Variants in RYR3 observed in about 807,000 individuals in gnomAD.
RYR3 encodes ryanodine receptor 3.
Under a neutral mutation model 584.3 loss-of-function variants are expected in RYR3, and 207 were observed. The observed-to-expected ratio is 0.35, with a 90% CI of 0.32 to 0.40. The LOEUF (loss-of-function observed/expected upper bound fraction) is 0.40, where lower values mean the gene tolerates loss of function less well. Ranked by LOEUF, RYR3 falls within the 10% of genes least tolerant of loss-of-function variation. RYR3 has a pLI of 1.00. For missense variants in RYR3, 5,616 were observed against 6,089.2 expected, an observed-to-expected ratio of 0.92 and a Z score of 2.59; for synonymous variants, 2,416 against 2,248.5, an observed-to-expected ratio of 1.07 and a Z score of -2.11.
intron 38 of RYR3, among the ~76,000 whole-genome samples, chr15:33,695,537 C>T (rs1187224515): frequency 6.6e-6 from 1 of 152,086 alleles, no homozygotes; most frequent in East Asian, 1.9e-4. Flanking sequence ...TCAGCTGACT[C>T]TTGCCAAAGA....
At chr15:33,730,550 CATGT>C (rs1567044262) in intron 47 of RYR3, among the ~76,000 whole-genome samples, 1 of 152,100 alleles carries the variant, frequency 6.6e-6, no homozygotes, top group African/African-American at 2.4e-5. Flanking sequence ...AACAATGAGA[CATGT>C]ATATAGTTCA....
In RYR3 at chr15:33,412,226, G is replaced by A. The variant is rs377239347; in HGVS notation, c.52-61193G>A. Among the ~76,000 whole-genome samples, 91 of 152,294 alleles carry A rather than the reference G, an allele frequency of 6.0e-4. No homozygotes were observed. Among genetic ancestry groups the A allele is most frequent in the Non-Finnish European group, 1.1e-3 (75 of 68,030 alleles). On this transcript the variant is annotated intron_variant, in intron 1 of 103. Coordinates refer to ENST00000634891, the MANE Select transcript of RYR3 (RefSeq NM_001036.6). The surrounding 1 kb of genome is among the most constrained non-coding windows in gnomAD (Gnocchi z 4.3). ...TGTGGATTCAGTAATTTCTGGTGAA[G>A]CCATGCAGCTTTTCAATTTAGTAAC...
intron 1 of RYR3, among the ~76,000 whole-genome samples, chr15:33,421,056 T>C (rs2044208359): frequency 6.6e-6 from 1 of 152,110 alleles, no homozygotes; most frequent in African/African-American, 2.4e-5. Flanking sequence ...AAAAGGTCAA[T>C]TTGGGGAGCC....
chr15:33,827,370 C>T, intron 85 of RYR3, 83 bp downstream of exon 85: 2 of 1,268,482 alleles, frequency 1.6e-6, no homozygotes, highest in South Asian at 2.6e-5. Flanking sequence ...CAGGGACAGC[C>T]CAGGATACAG....
intron 78 of RYR3, 70 bp downstream of exon 78, chr15:33,820,882 T>A (rs972921251): frequency 4.1e-5 from 50 of 1,223,540 alleles, no homozygotes; most frequent in Non-Finnish European, 5.4e-5. Flanking sequence ...CAGAGGTGGG[T>A]GCTGACATTA....
intron 12 of RYR3, among the ~76,000 whole-genome samples, chr15:33,578,158 A>G (rs1458564705): frequency 1.3e-5 from 2 of 152,170 alleles, no homozygotes; most frequent in Non-Finnish European, 2.9e-5. Context: ...AACTATCGGT[A>G]GGAATGTAAA....
In RYR3 at chr15:33,837,901, T is replaced by G. The variant is rs1341719915; in HGVS notation, c.11921T>G (p.Phe3974Cys). 6.2e-7 allele frequency: 1 copy of G among 1,614,004 alleles called. No homozygotes were observed. The highest frequency in any genetic ancestry group is 8.5e-7 in the Non-Finnish European group (1 of 1,179,890). The change falls in exon 89 of 104, where the codon TTT becomes TGT. Residue 3974 changes from phenylalanine to cysteine, a missense_variant. Coordinates refer to ENST00000634891, the MANE Select transcript of RYR3 (RefSeq NM_001036.6). The stretch of plus-strand genomic sequence containing the variant: ...GCAGAAGCTGATGAGAATGACATGT[T>G]TAATTACGTTGATTTTGTAGACCGG... Reference protein sequence around the residue: ...SCAEADENDMFNYVDFVDRFH... With the variant: ...SCAEADENDMCNYVDFVDRFH...
At position 33,562,905 on chromosome 15, in the gene RYR3, G is replaced by A. The variant is rs186826524; in HGVS notation, c.1041G>A (p.Lys347=). The stretch of plus-strand genomic sequence containing the variant: ...AAGGCATGGGAGTTCCAGAAATCAA[G>A]TATGGAGATTCTGTCTGCTTTGTGC... ...DIEGMGVPEI[K]YGDSVCFVQH... Residue 347 remains lysine (K), a synonymous_variant, in exon 11 of 104, where the codon AAG becomes AAA. Coordinates refer to ENST00000634891, the MANE Select transcript of RYR3 (RefSeq NM_001036.6). The A allele has an allele frequency of 1.1e-5, 18 of 1,613,556 alleles. No homozygotes were observed. The Admixed American group carries it at 2.7e-4, about 24-fold the overall frequency.
chr15:33,742,579 A>G, intron 52 of RYR3, 135 bp downstream of exon 52: 1 of 647,094 alleles, frequency 1.5e-6, no homozygotes, highest in Non-Finnish European at 2.7e-6. Context: ...ATTATTTCTG[A>G]GCAGCAATTT....
At chr15:33,315,587 C>T (rs931237837) in intron 1 of RYR3, among the ~76,000 whole-genome samples, 1 of 152,218 alleles carries the variant, frequency 6.6e-6, no homozygotes, top group Non-Finnish European at 1.5e-5. Flanking sequence ...CAGGGCTTCC[C>T]ATCTTCTCAG....
chr15:33,447,042 G>T (rs536400532), intron 1 of RYR3, among the ~76,000 whole-genome samples: 39 of 152,314 alleles, frequency 2.6e-4, no homozygotes, highest in East Asian at 1.5e-3. Flanking sequence ...TGCATCTGCA[G>T]CCCTGATTAG....
chr15:33,543,830 A>ATGT, intron 8 of RYR3, 115 bp downstream of exon 8: 1 of 761,476 alleles, frequency 1.3e-6, no homozygotes, highest in Non-Finnish European at 2.3e-6. Context: ...GTCCATTGAC[A>ATGT]AACCTTCCTC....
Position 33,646,545 on chromosome 15 carries a change from G to A in RYR3, c.3941+19G>A. The A allele has an allele frequency of 6.3e-7, 1 of 1,590,658 alleles. No homozygotes were observed. Among genetic ancestry groups the A allele is most frequent in the Non-Finnish European group, 8.6e-7 (1 of 1,165,090 alleles). On this transcript the variant is annotated intron_variant, in intron 29 of 103. Transcript: ENST00000634891. ...AGAAAAGGTGAGGGTGAGGCCTCCAGTTCTCAGAGGCACTCATTGTATCTC... is the reference window on the plus strand; with the variant it reads ...AGAAAAGGTGAGGGTGAGGCCTCCAATTCTCAGAGGCACTCATTGTATCTC...
At chr15:33,485,371 T>G (rs1363844628) in intron 2 of RYR3, among the ~76,000 whole-genome samples, 1 of 152,100 alleles carries the variant, frequency 6.6e-6, no homozygotes, top group Non-Finnish European at 1.5e-5. Flanking sequence ...ATGGAAGGAT[T>G]TTTGAAATAG....
At chr15:33,753,939 G>A (rs1273161943) in intron 57 of RYR3, among the ~76,000 whole-genome samples, 5 of 152,282 alleles carry the variant, frequency 3.3e-5, no homozygotes, top group Middle Eastern at 6.8e-3. Context: ...AGATACAGGA[G>A]TTCAAGACCA....
chr15:33,673,901 A>G (rs1366966116), intron 38 of RYR3, among the ~76,000 whole-genome samples: 1 of 152,230 alleles, frequency 6.6e-6, no homozygotes, highest in East Asian at 1.9e-4. Flanking sequence ...ATAGGTGAGC[A>G]TGGCTGAGTC....
intron 1 of RYR3, among the ~76,000 whole-genome samples, chr15:33,362,344 A>G (rs1318668260): frequency 6.6e-6 from 1 of 152,126 alleles, no homozygotes; most frequent in African/African-American, 2.4e-5. Context: ...TAATGTGTGT[A>G]AAGCGTGTAG....
At chr15:33,359,137 A>G (rs917844205) in intron 1 of RYR3, among the ~76,000 whole-genome samples, 10 of 152,186 alleles carry the variant, frequency 6.6e-5, no homozygotes, top group African/African-American at 2.4e-4. Context: ...TAGTCTCATA[A>G]CTATTGCTTC....
At chr15:33,710,207 G>T (rs865969896) in intron 43 of RYR3, among the ~76,000 whole-genome samples, 1 of 152,130 alleles carries the variant, frequency 6.6e-6, no homozygotes, top group Non-Finnish European at 1.5e-5. Context: ...GCATGGTGCT[G>T]GTATCTACTA....
Sources: allele counts gnomAD v4.1 joint callset (sites outside exome capture counted in the v4.1 genomes callset), GRCh38; gene constraint gnomAD v4.1.1; non-coding constraint Gnocchi (gnomAD v3.1); transcripts MANE v1.5; gene names NCBI Gene and HGNC (gene_info 2026-07-23, HGNC 2026-07-21).